ELP1: variants seen among roughly 807,000 people sequenced by gnomAD.
The protein encoded by ELP1 is elongator complex protein 1.
Under a neutral mutation model 183.2 loss-of-function variants are expected in ELP1, and 131 were observed. That is an observed-to-expected ratio of 0.72 (90% CI 0.62 to 0.83). The LOEUF is 0.83. Among genes scored for constraint, ELP1 ranks in the 40% least tolerant of loss-of-function variants. The pLI is 0.00. For missense variants in ELP1, 1,550 were observed against 1,594.9 expected (o/e 0.97, Z 0.48); for synonymous variants, 555 against 569.0 (o/e 0.98, Z 0.35).
chr9:108,887,881 A>T (rs1364313596), intron 29 of ELP1, among the ~76,000 whole-genome samples: 2 of 152,242 alleles, frequency 1.3e-5, no homozygotes, highest in African/African-American at 4.8e-5. Context: ...CGGCCACTGC[A>T]GATTAGTTCT....
In ELP1 at chr9:108,931,007, A is replaced by G; in HGVS notation, c.140T>C (p.Val47Ala). The change falls in exon 2 of 37, where the codon GTC becomes GCC. Residue 47 changes from valine (V) to alanine (A), a missense_variant. By Grantham distance (64) the Val-to-Ala change is moderately conservative. Transcript: ENST00000374647. ...ACATCAGTAACTTACTTCTCTTGAGACAGGGTCTACTTCTATCAGGCCATG... is the reference window on the plus strand; with the variant it reads ...ACATCAGTAACTTACTTCTCTTGAGGCAGGGTCTACTTCTATCAGGCCATG... The part of the protein sequence containing the change: ...SEHGLIEVDP[V>A]SREVKNEVSL... The G allele has an allele frequency of 6.2e-7, 1 of 1,614,142 alleles. No individual in the cohort carries two copies.
chr9:108,869,236 G>A lies in ELP1; in HGVS notation c.3932-54C>T, dbSNP rs148586486. 248 of 1,459,450 alleles carry A rather than the reference G, an allele frequency of 1.7e-4. 1 individual carries two copies. The highest frequency in any genetic ancestry group is 1.7e-4 in the Middle Eastern group (1 of 5,766). 90.4% of individuals were successfully genotyped at this position (1,459,450 alleles called of 1,614,324 possible). On this transcript the variant is annotated intron_variant, in intron 36 of 36. Coordinates refer to ENST00000374647, the MANE Select transcript of ELP1 (RefSeq NM_003640.5). ...GACAGACATACTCTTGTTGGAGGGC[G>A]CTGAGGCAGTAACTCTAAACTAAAC...
At chr9:108,901,552 G>A (rs759327995) in intron 17 of ELP1, 22 bp from the exon 18 acceptor site, 21 of 1,610,652 alleles carry the variant, frequency 1.3e-5, no homozygotes, top group Non-Finnish European at 1.7e-5. Context: ...GGCCAGAGAG[G>A]CATGGGTGAA....
At chr9:108,930,515 C>A (rs1007720016) in intron 2 of ELP1, among the ~76,000 whole-genome samples, 1 of 151,964 alleles carries the variant, frequency 6.6e-6, no homozygotes, top group Non-Finnish European at 1.5e-5. Flanking sequence ...ACGGTGAAAC[C>A]GCACATCTAC....
At chr9:108,903,510 A>G in intron 15 of ELP1, 53 bp downstream of exon 15, 1 of 1,165,586 alleles carries the variant, frequency 8.6e-7, no homozygotes, top group Non-Finnish European at 1.3e-6. Context: ...TGTTCTTAAG[A>G]ACTAAGCATC....
intron 9 of ELP1, 111 bp from the exon 10 acceptor site, chr9:108,916,408 A>C (rs1829435509): frequency 2.3e-5 from 20 of 860,412 alleles, no homozygotes; most frequent in Non-Finnish European, 3.6e-5. Context: ...ACCTGAGCTC[A>C]TCCCTAGCTG....
chr9:108,883,970 A>G (rs13291908), intron 29 of ELP1, among the ~76,000 whole-genome samples: 2 of 152,098 alleles, frequency 1.3e-5, no homozygotes, highest in Non-Finnish European at 2.9e-5. Context: ...AAACCCTCCA[A>G]TTAAAAGACA....
intron 29 of ELP1, among the ~76,000 whole-genome samples, chr9:108,886,930 C>T (rs1828146232): frequency 6.7e-6 from 1 of 150,236 alleles, no homozygotes; most frequent in Non-Finnish European, 1.5e-5. Context: ...AATATCAGGC[C>T]AGGCACGGAG....
intron 36 of ELP1, among the ~76,000 whole-genome samples, chr9:108,870,418 AAAT>A (rs1301658151): frequency 2.0e-5 from 3 of 152,246 alleles, no homozygotes; most frequent in Non-Finnish European, 4.4e-5. Context: ...AGAGAAAAGA[AAAT>A]ATTAAGAAAA....
At chr9:108,901,010 G>C (rs549825138) in intron 18 of ELP1, among the ~76,000 whole-genome samples, 7 of 152,000 alleles carry the variant, frequency 4.6e-5, no homozygotes, top group African/African-American at 1.7e-4. Flanking sequence ...GCATGGAACA[G>C]AAGACAAAAT....
intron 14 of ELP1, among the ~76,000 whole-genome samples, chr9:108,905,912 A>T (rs1312200115): frequency 6.7e-6 from 1 of 149,456 alleles, no homozygotes; most frequent in East Asian, 2.0e-4. Context: ...TATGCGCATG[A>T]CTGCATTTAT....
rs1827286009 is a variant in ELP1 at position 108,867,587 on chromosome 9, G to GA, written c.*1527dup. 6.6e-6 allele frequency: 1 copy of GA among 152,158 alleles called. No homozygotes were observed. Among genetic ancestry groups the GA allele is most frequent in the African/African-American group, 2.4e-5 (1 of 41,426 alleles). 9.4% of individuals were successfully genotyped at this position (152,158 alleles called of 1,614,324 possible). A position where few individuals can be genotyped will look rare whatever the true frequency, so the allele number is the denominator to read the frequency against. ...GTCCCTTTACAGTTATCCAAAGCAAGAGCACTATATTTCAATATAAGTTAC... is the reference window on the plus strand; with the variant it reads ...GTCCCTTTACAGTTATCCAAAGCAAGAAGCACTATATTTCAATATAAGTTAC... On this transcript the variant is annotated 3_prime_UTR_variant, in exon 37 of 37. Coordinates refer to ENST00000374647, the MANE Select transcript of ELP1 (RefSeq NM_003640.5).
intron 35 of ELP1, 116 bp from the exon 36 acceptor site, chr9:108,875,086 G>A (rs544676253): frequency 9.4e-6 from 7 of 740,938 alleles, no homozygotes; most frequent in Non-Finnish European, 1.7e-5. Context: ...CTGGTATGGT[G>A]TGAAACACAG....
rs1315617472 is a variant in ELP1, at chr9:108,891,210, A to T, written c.3153T>A (p.Thr1051=). Residue 1051 remains threonine, a synonymous_variant, in exon 28 of 37, where the codon ACT becomes ACA. Coordinates refer to ENST00000374647, the MANE Select transcript of ELP1 (RefSeq NM_003640.5). ...ATAAATGATTGTACTTACCTGCCAG[A>T]GTTCTGCCGAGGCCCACCAGCTGGT... ...TKDQLVGLGR[T]LAGKLVEQRK... The T allele has an allele frequency of 3.1e-6, 5 of 1,614,030 alleles. No homozygotes were observed. The highest frequency in any genetic ancestry group is 3.4e-6 in the Non-Finnish European group (4 of 1,179,980).
intron 6 of ELP1, among the ~76,000 whole-genome samples, chr9:108,919,911 C>A (rs906511767): frequency 2.6e-5 from 4 of 152,122 alleles, no homozygotes; most frequent in African/African-American, 9.7e-5. Context: ...CCAACTCTAC[C>A]GGGTGGGAGA....
Position 108,931,043 on chromosome 9 carries a change from A to T in ELP1, c.104T>A (p.Ile35Asn). Residue 35 changes from isoleucine (I) to asparagine (N), a missense_variant, in exon 2 of 37, where the codon ATT (isoleucine) becomes AAT (asparagine). By Grantham distance (149) the Ile-to-Asn change is moderately radical. Coordinates refer to ENST00000374647, the MANE Select transcript of ELP1 (RefSeq NM_003640.5). ...TTCTATCAGGCCATGTTCTGAACCAATGAGCACCGTCCCCTGTTCAGTTCG... is the reference window on the plus strand; with the variant it reads ...TTCTATCAGGCCATGTTCTGAACCATTGAGCACCGTCCCCTGTTCAGTTCG... ...SLRTEQGTVL[I>N]GSEHGLIEVD... 1 of 1,614,128 alleles carries T rather than the reference A, an allele frequency of 6.2e-7. No homozygotes were observed. The highest frequency in any genetic ancestry group is 8.5e-7 in the Non-Finnish European group (1 of 1,180,010).
intron 35 of ELP1, among the ~76,000 whole-genome samples, chr9:108,877,584 T>G (rs1352778387): frequency 6.6e-6 from 1 of 152,170 alleles, no homozygotes. Context: ...AAGTCAAATT[T>G]TTCATAAAAC....
chr9:108,897,221 C>G lies in ELP1; in HGVS notation c.2428G>C (p.Asp810His), dbSNP rs750655614. The stretch of plus-strand genomic sequence containing the variant: ...AGGTCTATTTTATTCCCGTCAGGAT[C>G]CCTGGACAGGTAGACACTGCTGGTA... ...PVTSSVYLSR[D>H]PDGNKIDLVC... Residue 810 changes from aspartate (D) to histidine (H), a missense_variant, in exon 23 of 37, where the codon GAT becomes CAT. Physicochemically the swap from Asp to His is moderately conservative, Grantham distance 81 (BLOSUM62 -1). Transcript: ENST00000374647. 5.6e-6 allele frequency: 9 copies of G among 1,614,116 alleles called. No homozygotes were observed. Among genetic ancestry groups the G allele is most frequent in the Non-Finnish European group, 7.6e-6 (9 of 1,180,006 alleles).
chr9:108,919,264 C>T lies in ELP1; in HGVS notation c.638G>A (p.Cys213Tyr). Residue 213 changes from cysteine (C) to tyrosine (Y), a missense_variant, in exon 7 of 37, where the codon TGC becomes TAC. Cys to Tyr is a radical substitution (Grantham distance 194). Coordinates refer to ENST00000374647, the MANE Select transcript of ELP1 (RefSeq NM_003640.5). ...ATATATTTCCATACCTGTTTCTGGG[C>T]AAACAACACTCACAGCAAAAAACTG... ...DGQFFAVSVVCPETGARKVRV... is the reference protein window; with the variant it reads ...DGQFFAVSVVYPETGARKVRV... 1.2e-6 allele frequency: 2 copies of T among 1,612,062 alleles called. No individual in the cohort carries two copies. Among genetic ancestry groups the T allele is most frequent in the Non-Finnish European group, 1.7e-6 (2 of 1,178,366 alleles).
Sources: gnomAD v4.1 joint callset for allele counts (sites outside exome capture counted in the v4.1 genomes callset) on GRCh38, gnomAD v4.1.1 for gene constraint, MANE v1.5 for transcripts, NCBI Gene and HGNC (gene_info 2026-07-23, HGNC 2026-07-21) for gene names.